Variants in SERPINB5 observed in about 807,000 individuals in gnomAD.
SERPINB5 encodes the protein serpin family B member 5, also known as serpin B5.
SERPINB5 carries 27 observed loss-of-function variants against 32.2 expected under a neutral mutation model. The ratio of observed to expected loss-of-function variants is 0.84; its 90% CI spans 0.62 to 1.16. SERPINB5 has a LOEUF of 1.16. SERPINB5 is among the 50% of genes most tolerant of loss of function. The pLI is 0.00. For missense variants in SERPINB5, 388 were observed against 436.3 expected, an observed-to-expected ratio of 0.89 and a Z score of 0.99; for synonymous variants, 154 against 157.4, an observed-to-expected ratio of 0.98 and a Z score of 0.16.
At chr18:63,497,003 G>C (rs1909460877) in intron 5 of SERPINB5, 2 of 526,834 alleles carry the variant, frequency 3.8e-6, no homozygotes, top group East Asian at 4.9e-5. Context: ...AGCCCACCGG[G>C]GCATTACTTA....
chr18:63,492,913 G>A (rs1909370464), intron 4 of SERPINB5, 40 bp from the exon 5 acceptor site: 1 of 1,589,304 alleles, frequency 6.3e-7, no homozygotes, highest in East Asian at 2.2e-5. Flanking sequence ...TAGTTTGGAA[G>A]AATAATTCTG....
At chr18:63,493,967 G>A (rs1196101470) in intron 5 of SERPINB5, among the ~76,000 whole-genome samples, 1 of 152,156 alleles carries the variant, frequency 6.6e-6, no homozygotes, top group Non-Finnish European at 1.5e-5. Context: ...AGTCATTATG[G>A]GAAGAATTAA....
At chr18:63,483,767 T>C (rs559848280) in intron 1 of SERPINB5, among the ~76,000 whole-genome samples, 2 of 152,390 alleles carry the variant, frequency 1.3e-5, no homozygotes, top group Admixed American at 6.5e-5. Context: ...TGTCTGTTTC[T>C]GTGTCTCTCC....
At chr18:63,497,438 G>A (rs1197660808) in intron 5 of SERPINB5, 11 of 812,504 alleles carry the variant, frequency 1.4e-5, no homozygotes, top group African/African-American at 3.4e-5. Flanking sequence ...CTGCTGCTGC[G>A]GCTGCACACC....
chr18:63,494,180 G>T (rs1452949292), intron 5 of SERPINB5, among the ~76,000 whole-genome samples: 3 of 151,914 alleles, frequency 2.0e-5, no homozygotes, highest in Non-Finnish European at 4.4e-5. Flanking sequence ...AAATTAGCTG[G>T]GCATGGTGGC....
intron 5 of SERPINB5, chr18:63,496,922 C>T (rs1035868853): frequency 1.9e-5 from 7 of 365,170 alleles, no homozygotes; most frequent in Middle Eastern, 9.8e-4. Context: ...AACGATCAGA[C>T]CCTTCCATGG....
At chr18:63,490,007 A>G (rs1426829628) in intron 4 of SERPINB5, among the ~76,000 whole-genome samples, 2 of 151,112 alleles carry the variant, frequency 1.3e-5, no homozygotes, top group African/African-American at 4.9e-5. Flanking sequence ...CCTGGCTAAC[A>G]CGGTGAAACC....
chr18:63,482,256 G>A (rs1917137243), intron 1 of SERPINB5, among the ~76,000 whole-genome samples: 1 of 152,176 alleles, frequency 6.6e-6, no homozygotes, highest in African/African-American at 2.4e-5. Flanking sequence ...GGTATAAGGT[G>A]CAAATTGCAA....
chr18:63,501,924 T>G (rs907311962), intron 6 of SERPINB5, among the ~76,000 whole-genome samples: 1 of 152,164 alleles, frequency 6.6e-6, no homozygotes, highest in African/African-American at 2.4e-5. Context: ...GTTTGAGTTC[T>G]TTGTAGATTC....
At chr18:63,493,145 A>C in intron 5 of SERPINB5, 50 bp downstream of exon 5, 6 of 1,612,408 alleles carry the variant, frequency 3.7e-6, no homozygotes, top group Non-Finnish European at 5.1e-6. Flanking sequence ...ATAGATGTGA[A>C]AAATGATAGG....
chr18:63,490,525 T>A lies in SERPINB5; in HGVS notation c.424+1061T>A, dbSNP rs371358768. 9 of 152,292 alleles carry A rather than the reference T, an allele frequency of 5.9e-5. No homozygotes were observed. In the East Asian group the frequency reaches 1.7e-3, roughly 29 times the overall value. 9.4% of individuals were successfully genotyped at this position (152,292 alleles called of 1,614,324 possible). A position where few individuals can be genotyped will look rare whatever the true frequency, so the allele number is the denominator to read the frequency against. On this transcript the variant is annotated intron_variant, in intron 4 of 6. Transcript: ENST00000382771. ...CGGGCCGAATCTAGTCATGAAAGAA[T>A]GAAGCCTAGGCAGTCGCTGCTGTCT...
intron 2 of SERPINB5, among the ~76,000 whole-genome samples, chr18:63,485,241 G>A (rs930047331): frequency 8.5e-5 from 13 of 152,148 alleles, no homozygotes; most frequent in African/African-American, 3.1e-4. Context: ...TCTGGCTATG[G>A]TTGATTATCT....
chr18:63,478,047 T>C (rs776317791), intron 1 of SERPINB5, among the ~76,000 whole-genome samples: 1 of 152,186 alleles, frequency 6.6e-6, no homozygotes, highest in Non-Finnish European at 1.5e-5. Flanking sequence ...CGATAATGGG[T>C]TCCAAACCTC....
At chr18:63,496,928 C>A in intron 5 of SERPINB5, 1 of 379,392 alleles carries the variant, frequency 2.6e-6, no homozygotes, top group Non-Finnish European at 5.1e-6. Context: ...CAGACCCTTC[C>A]ATGGGCTCCC....
Position 63,484,555 on chromosome 18 carries a change from C to T in SERPINB5, c.127C>T (p.Gln43Ter), listed in dbSNP as rs1296216465. 6.2e-6 allele frequency: 10 copies of T among 1,613,956 alleles called. No individual in the cohort carries two copies. Among genetic ancestry groups the T allele is most frequent in the Admixed American group, 3.3e-5 (2 of 59,982 alleles). The change falls in exon 2 of 7, where the codon CAA (glutamine) becomes TAA (stop). Residue 43 changes from glutamine to a stop codon, truncating the protein, a stop_gained. Coordinates refer to ENST00000382771, the MANE Select transcript of SERPINB5 (RefSeq NM_002639.5). LOFTEE classifies it high-confidence loss of function. Reference sequence around the variant, plus strand: ...TCTCTCCACCTCTCTGTCACTTGCTCAAGTGGGTGCTAAAGGTGACACTGC... The same window carrying T: ...TCTCTCCACCTCTCTGTCACTTGCTTAAGTGGGTGCTAAAGGTGACACTGC... The part of the protein sequence containing the change: ...ICLSTSLSLA[Q>*]VGAKGDTANE...
At chr18:63,478,488 A>G (rs1046605889) in intron 1 of SERPINB5, among the ~76,000 whole-genome samples, 1 of 152,224 alleles carries the variant, frequency 6.6e-6, no homozygotes, top group Non-Finnish European at 1.5e-5. Flanking sequence ...TAGTCCTCAT[A>G]GTCTTTCACA....
chr18:63,490,615 C>T (rs966888572), intron 4 of SERPINB5: 5 of 152,184 alleles, frequency 3.3e-5, no homozygotes, highest in African/African-American at 1.2e-4. Context: ...GCGCCCCCAG[C>T]TACTCTGTCT....
Position 63,498,887 on chromosome 18 carries a change from A to G in SERPINB5, c.568-233A>G, listed in dbSNP as rs569775793. Among the ~76,000 whole-genome samples the G allele has an allele frequency of 5.2e-4, 78 of 150,576 alleles. No individual in the cohort carries two copies. The highest frequency in any genetic ancestry group is 1.8e-3 in the African/African-American group (75 of 41,076). On this transcript the variant is annotated intron_variant, in intron 5 of 6. Coordinates refer to ENST00000382771, the MANE Select transcript of SERPINB5 (RefSeq NM_002639.5). This position sits in a 1 kb window ranked among gnomAD's most constrained non-coding sequence, Gnocchi z 4.2. ...TATATATAGGTGTGTGTATATGTAT[A>G]TGTATGTATATGTATGTATGCATAT...
intron 4 of SERPINB5, among the ~76,000 whole-genome samples, chr18:63,491,445 C>T (rs62100034): frequency 0.49 from 70,008 of 141,988 alleles, 19,308 homozygotes; most frequent in Non-Finnish European, 0.62. Context: ...TGGTCTTCAG[C>T]TCCATCTAGG....
Sources: allele counts gnomAD v4.1 joint callset (sites outside exome capture counted in the v4.1 genomes callset), GRCh38; gene constraint gnomAD v4.1.1; non-coding constraint Gnocchi (gnomAD v3.1); transcripts MANE v1.5; gene names NCBI Gene and HGNC (gene_info 2026-07-23, HGNC 2026-07-21).